The following FAM234A variants were observed in gnomAD, a reference collection of about 807,000 sequenced individuals.
FAM234A encodes the protein family with sequence similarity 234 member A, also known as protein FAM234A.
In FAM234A, 42 loss-of-function variants were observed where a neutral mutation model predicts 49.1. The ratio of observed to expected loss-of-function variants is 0.86; its 90% CI spans 0.67 to 1.11. FAM234A has a LOEUF of 1.11. FAM234A is among the 50% of genes least tolerant of loss of function. The pLI, the probability that FAM234A is intolerant of heterozygous loss-of-function variation, is 0.00. For missense variants in FAM234A, 815 were observed against 745.2 expected (o/e 1.09, Z -1.09); for synonymous variants, 369 against 316.2 (o/e 1.17, Z -1.77).
intron 6 of FAM234A, 114 bp from the exon 7 acceptor site, chr16:261,979 C>T (rs923965901): frequency 6.0e-5 from 53 of 878,232 alleles, no homozygotes; most frequent in Non-Finnish European, 7.6e-5. Flanking sequence ...CCCTCTCTTC[C>T]TGGGCCTTGT....
downstream of FAM234A, chr16:266,098 C>T (rs958871037): frequency 8.1e-6 from 8 of 985,482 alleles, no homozygotes; most frequent in East Asian, 2.3e-4. Flanking sequence ...CCTGAAAAAC[C>T]CCGGTGGTCA....
intron 2 of FAM234A, among the ~76,000 whole-genome samples, chr16:252,188 T>G (rs907148726): frequency 6.9e-6 from 1 of 144,258 alleles, no homozygotes; most frequent in Non-Finnish European, 1.5e-5. Context: ...GTTTTTTGTT[T>G]TTTTTTTTTT....
chr16:265,386 C>A lies in FAM234A; in HGVS notation c.*364C>A. 1 of 1,053,294 alleles carries A rather than the reference C, an allele frequency of 9.5e-7. No individual in the cohort carries two copies. The highest frequency in any genetic ancestry group is 1.1e-6 in the Non-Finnish European group (1 of 873,670). 65.2% of individuals were successfully genotyped at this position (1,053,294 alleles called of 1,614,324 possible). ...TTACCCGGTGCCCTCTCCTTGCCAG[C>A]TTCTCCCCAGGCCAGAGCGGCCATC... On this transcript the variant is annotated 3_prime_UTR_variant, in exon 13 of 13. Transcript: ENST00000399932.
Position 262,081 on chromosome 16 carries a change from G to C in FAM234A, c.709-12G>C, listed in dbSNP as rs368791097. ...GGTCCCTCTCTTCCTGTGTCATCCT[G>C]TGTCATTGCAGGTTAGTGGCCACCT... On this transcript the variant is annotated splice_polypyrimidine_tract_variant and intron_variant, in intron 6 of 12. Transcript: ENST00000399932. 1.6e-5 allele frequency: 26 copies of C among 1,613,218 alleles called. No homozygotes were observed. The highest frequency in any genetic ancestry group is 1.9e-5 in the Non-Finnish European group (23 of 1,179,672).
chr16:261,225 C>T, intron 5 of FAM234A, 159 bp from the exon 6 acceptor site: 2 of 780,914 alleles, frequency 2.6e-6, no homozygotes, highest in Non-Finnish European at 2.0e-6. Flanking sequence ...GGAGTGCCGC[C>T]CTCCCCTCCT....
Position 265,132 on chromosome 16 carries a change from G to A in FAM234A, c.*110G>A, listed in dbSNP as rs566751796. The stretch of plus-strand genomic sequence containing the variant: ...ACTGACTCCCCCACTCCTGACCCTG[G>A]TGATGGTCGCCACTGGGCAGCAGCA... On this transcript the variant is annotated 3_prime_UTR_variant, in exon 13 of 13. Coordinates refer to ENST00000399932, the MANE Select transcript of FAM234A (RefSeq NM_032039.4). 1,168 of 1,461,358 alleles carry A rather than the reference G, an allele frequency of 8.0e-4. 2 individuals are homozygous for A. The highest frequency in any genetic ancestry group is 1.0e-3 in the Non-Finnish European group (1,114 of 1,111,606). The allele number at this position is 1,461,358 out of a possible 1,614,324, so 90.5% of individuals were successfully genotyped here.
chr16:266,960 G>A (rs1457775313), downstream of FAM234A, among the ~76,000 whole-genome samples: 1 of 152,112 alleles, frequency 6.6e-6, no homozygotes, highest in East Asian at 1.9e-4. Flanking sequence ...CTGTGCCCCT[G>A]GCCATGGAGG....
At chr16:259,162 C>A (rs534513363) in intron 3 of FAM234A, among the ~76,000 whole-genome samples, 2 of 152,114 alleles carry the variant, frequency 1.3e-5, no homozygotes, top group African/African-American at 4.8e-5. Flanking sequence ...TAAACCCTGA[C>A]GAGTATGGAG....
intron 9 of FAM234A, 63 bp from the exon 10 acceptor site, chr16:263,637 G>A: frequency 7.2e-7 from 1 of 1,387,804 alleles, no homozygotes. Context: ...GTTCCTGGGT[G>A]CTTCCTTCAT....
At chr16:261,343 G>A (rs1249344697) in intron 5 of FAM234A, 41 bp from the exon 6 acceptor site, 1 of 1,591,200 alleles carries the variant, frequency 6.3e-7, no homozygotes, top group Admixed American at 1.7e-5. Flanking sequence ...CTGTTGAAGG[G>A]GACTCAGGGC....
chr16:239,031 G>C (rs1167734796), intron 1 of FAM234A, among the ~76,000 whole-genome samples: 1 of 147,342 alleles, frequency 6.8e-6, no homozygotes, highest in South Asian at 2.2e-4. Context: ...GCGGTGAGCT[G>C]AGATCGCTCC....
rs1265271829 is a variant in FAM234A, at chr16:236,581, C to A, written c.-140+1724C>A. 2.0e-5 allele frequency among the ~76,000 whole-genome samples: 3 copies of A among 148,778 alleles called. No individual in the cohort carries two copies. In the East Asian group the frequency reaches 6.0e-4, roughly 30 times the overall value. On this transcript the variant is annotated intron_variant, in intron 1 of 12. Coordinates refer to ENST00000399932, the MANE Select transcript of FAM234A (RefSeq NM_032039.4). Reference sequence around the variant, plus strand: ...GAGGTTGCAGTGAGCCGAGATTGCACCACTACGCTCTGGAGACATAGCGAG... The same window carrying A: ...GAGGTTGCAGTGAGCCGAGATTGCAACACTACGCTCTGGAGACATAGCGAG...
At chr16:244,200 C>T (rs1043841081) in intron 1 of FAM234A, among the ~76,000 whole-genome samples, 3 of 152,120 alleles carry the variant, frequency 2.0e-5, no homozygotes, top group African/African-American at 7.2e-5. Context: ...GATCTCCTGA[C>T]CTTGTGATCC....
At chr16:254,733 G>T (rs765576842) in intron 3 of FAM234A, 52 bp downstream of exon 3, 3 of 1,588,780 alleles carry the variant, frequency 1.9e-6, no homozygotes, top group African/African-American at 2.7e-5. Flanking sequence ...CTTCCCAGGG[G>T]ATGGGGCGGA....
chr16:238,773 A>T lies in FAM234A; in HGVS notation c.-140+3916A>T, dbSNP rs529945670. Among the ~76,000 whole-genome samples the T allele has an allele frequency of 3.2e-3, 468 of 144,990 alleles. 1 individual carries two copies. The highest frequency in any genetic ancestry group is 0.011 in the African/African-American group (423 of 38,286). On this transcript the variant is annotated intron_variant, in intron 1 of 12. Transcript: ENST00000399932. ...AGAGTGAGACTCCGTCTCAAAAAAA[A>T]AAAAAAAAAAAAAGAAAAAAAAAAT...
intron 7 of FAM234A, 64 bp from the exon 8 acceptor site, chr16:262,360 G>C: frequency 6.4e-7 from 1 of 1,556,330 alleles, no homozygotes; most frequent in Non-Finnish European, 8.7e-7. Flanking sequence ...GTGGCACTGC[G>C]TGCCCCTGGT....
chr16:262,432 C>T lies in FAM234A; in HGVS notation c.850C>T (p.Leu284Phe). 8 of 1,603,512 alleles carry T rather than the reference C, an allele frequency of 5.0e-6. No individual in the cohort carries two copies. The highest frequency in any genetic ancestry group is 6.8e-6 in the Non-Finnish European group (8 of 1,174,408). The part of the protein sequence containing the change: ...HYILFPCASS[L>F]CGCSVKGLYE... The stretch of plus-strand genomic sequence containing the variant: ...TTCTGTGTTTTGAATAGCAAGCTCC[C>T]TCTGCGGCTGCTCTGTGAAGGGTCT... Residue 284 changes from leucine to phenylalanine, a missense_variant, in exon 8 of 13, where the codon CTC (leucine) becomes TTC (phenylalanine). Physicochemically the swap from Leu to Phe is conservative, Grantham distance 22. Coordinates refer to ENST00000399932, the MANE Select transcript of FAM234A (RefSeq NM_032039.4).
At chr16:259,648 A>G (rs780406259) in intron 4 of FAM234A, 49 bp downstream of exon 4, 14 of 1,217,932 alleles carry the variant, frequency 1.1e-5, no homozygotes, top group Non-Finnish European at 1.6e-5. Context: ...AGAAAGAGGA[A>G]TCGTCATTTT....
chr16:243,854 T>C (rs2050700321), intron 1 of FAM234A, among the ~76,000 whole-genome samples: 1 of 152,228 alleles, frequency 6.6e-6, no homozygotes, highest in Non-Finnish European at 1.5e-5. Flanking sequence ...GTCACCACAT[T>C]GTCTGACTTT....
Sources: allele counts gnomAD v4.1 joint callset (sites outside exome capture counted in the v4.1 genomes callset), GRCh38; gene constraint gnomAD v4.1.1; transcripts MANE v1.5; gene names NCBI Gene and HGNC (gene_info 2026-07-23, HGNC 2026-07-21).